PVT1: variants seen among roughly 807,000 people sequenced by gnomAD.
The protein encoded by PVT1 is Pvt1 oncogene.
chr8:127,894,159 C>T (rs907738431), intron 3 of PVT1, among the ~76,000 whole-genome samples: 2 of 152,184 alleles, frequency 1.3e-5, no homozygotes, highest in African/African-American at 4.8e-5. Flanking sequence ...GTACGGGCTG[C>T]CCTGCCACCT....
intron 4 of PVT1, among the ~76,000 whole-genome samples, chr8:128,063,137 G>T (rs980925413): frequency 6.6e-6 from 1 of 152,026 alleles, no homozygotes; most frequent in African/African-American, 2.4e-5. Context: ...GTCTTTCCTG[G>T]CACCATGAAA....
chr8:128,046,997 AG>A (rs1813622756), intron 4 of PVT1, among the ~76,000 whole-genome samples: 1 of 152,306 alleles, frequency 6.6e-6, no homozygotes, highest in South Asian at 2.1e-4. Flanking sequence ...TCTCATGAAC[AG>A]GATGTCCTCT....
chr8:127,994,773 C>T (rs1180981352), intron 4 of PVT1, among the ~76,000 whole-genome samples: 1 of 151,134 alleles, frequency 6.6e-6, no homozygotes, highest in African/African-American at 2.4e-5. Context: ...AGTCCAGATT[C>T]GAAGGCCTGA....
chr8:128,095,739 G>A (rs746189511), intron 5 of PVT1, among the ~76,000 whole-genome samples: 2 of 152,240 alleles, frequency 1.3e-5, no homozygotes, highest in Non-Finnish European at 2.9e-5. Flanking sequence ...CCCTGTCTGA[G>A]GATGATCACG....
chr8:127,849,487 T>C (rs1563621137), intron 2 of PVT1, among the ~76,000 whole-genome samples: 1 of 152,162 alleles, frequency 6.6e-6, no homozygotes, highest in Non-Finnish European at 1.5e-5. Flanking sequence ...TATGAAAAAC[T>C]CCTAGGGCCT....
rs918925169 is a variant in PVT1, at chr8:127,875,347, GTCTGTC to G, written n.373-15226_373-15221del. ...TGTCTCTGTCTCTGTCTCTGACTCT[GTCTGTC>G]TCTGTCTCTGTCTCTCTCTCTCTCT... is the stretch of plus-strand genomic sequence containing the variant. On this transcript the variant is annotated intron_variant and non_coding_transcript_variant, in intron 2 of 10. Coordinates refer to ENST00000651587, the Ensembl canonical transcript of PVT1. Among the ~76,000 whole-genome samples, 22 of 129,956 alleles carry G rather than the reference GTCTGTC, an allele frequency of 1.7e-4. No individual in the cohort carries two copies. The South Asian group carries it at 2.2e-3, about 13-fold the overall frequency. The allele number at this position is 129,956 out of a possible 152,430, so 85.3% of individuals were successfully genotyped here.
chr8:127,848,410 G>A lies in PVT1; in HGVS notation n.373-42179G>A, dbSNP rs113644072. On this transcript the variant is annotated intron_variant and non_coding_transcript_variant, in intron 2 of 10. Coordinates refer to ENST00000651587, the Ensembl canonical transcript of PVT1. Reference sequence around the variant, plus strand: ...TCCAAAACCACAAATTTGGCTGGGCGCAGTGGCTCACGCCTGTAATCCCAG... The same window carrying A: ...TCCAAAACCACAAATTTGGCTGGGCACAGTGGCTCACGCCTGTAATCCCAG... Among the ~76,000 whole-genome samples the A allele has an allele frequency of 3.0e-4, 45 of 152,150 alleles. No homozygotes were observed. The South Asian group carries it at 8.9e-3, about 30-fold the overall frequency.
chr8:127,896,149 G>A (rs1418199616), intron 3 of PVT1, among the ~76,000 whole-genome samples: 2 of 152,176 alleles, frequency 1.3e-5, no homozygotes, highest in African/African-American at 2.4e-5. Context: ...GCCTTCACAT[G>A]GCTAGTTTCC....
chr8:127,886,755 G>T (rs1411515811), intron 2 of PVT1, among the ~76,000 whole-genome samples: 1 of 152,016 alleles, frequency 6.6e-6, no homozygotes, highest in Non-Finnish European at 1.5e-5. Context: ...ACCCTTGTCT[G>T]CTAATTCCAG....
chr8:128,023,954 A>C (rs138740777), intron 4 of PVT1, among the ~76,000 whole-genome samples: 3 of 152,310 alleles, frequency 2.0e-5, no homozygotes, highest in African/African-American at 7.2e-5. Context: ...CTTCTTATCT[A>C]TTCTGCGTGG....
intron 3 of PVT1, among the ~76,000 whole-genome samples, chr8:127,904,339 G>T (rs1229057605): frequency 3.7e-5 from 1 of 26,806 alleles, no homozygotes; most frequent in Non-Finnish European, 7.4e-5. Flanking sequence ...GTTCTGGTGG[G>T]TTATCCAGTT....
At chr8:128,078,569 G>C (rs569059956) in intron 5 of PVT1, among the ~76,000 whole-genome samples, 88 of 152,220 alleles carry the variant, frequency 5.8e-4, no homozygotes, top group African/African-American at 2.0e-3. Flanking sequence ...TGGAGGTGGT[G>C]TTATTGTTAT....
intron 4 of PVT1, among the ~76,000 whole-genome samples, chr8:128,064,953 G>A (rs1443227053): frequency 1.3e-5 from 2 of 152,148 alleles, no homozygotes; most frequent in East Asian, 3.9e-4. Flanking sequence ...TGAGAAATAT[G>A]CCCTTAGATG....
chr8:127,943,666 G>A (rs2129912065), intron 3 of PVT1, among the ~76,000 whole-genome samples: 1 of 152,196 alleles, frequency 6.6e-6, no homozygotes, highest in Middle Eastern at 3.4e-3. Flanking sequence ...GTTCTTTTGT[G>A]GTGGTGTTGG....
chr8:128,078,242 G>A (rs1586510119), intron 5 of PVT1, among the ~76,000 whole-genome samples: 1 of 152,206 alleles, frequency 6.6e-6, no homozygotes, highest in African/African-American at 2.4e-5. Context: ...CTAGCCTCTT[G>A]TAAGAAATTA....
In PVT1 at chr8:128,021,492, A is replaced by C. The variant is rs144879684; in HGVS notation, n.912+32201A>C. Among the ~76,000 whole-genome samples, 1,493 of 151,806 alleles carry C rather than the reference A, an allele frequency of 9.8e-3. 31 individuals carry two copies. Among genetic ancestry groups the C allele is most frequent in the African/African-American group, 0.034 (1,418 of 41,388 alleles). ...GTATTTTTAGTAGAGACAGGGTTTC[A>C]CCATGTTAGCCAGGATGGTCTTGAT... On this transcript the variant is annotated intron_variant and non_coding_transcript_variant, in intron 4 of 10. Transcript: ENST00000651587.
chr8:128,023,462 G>T (rs137956473), intron 4 of PVT1, among the ~76,000 whole-genome samples: 2,884 of 152,252 alleles, frequency 0.019, 54 homozygotes, highest in Middle Eastern at 0.085. Flanking sequence ...CATTGTTTTG[G>T]TAATAGGTAC....
At chr8:127,913,005 C>T (rs1641370596) in intron 3 of PVT1, among the ~76,000 whole-genome samples, 1 of 148,812 alleles carries the variant, frequency 6.7e-6, no homozygotes, top group East Asian at 2.1e-4. Context: ...ACCCCCTTCA[C>T]ACCCCACCTT....
intron 2 of PVT1, among the ~76,000 whole-genome samples, chr8:127,833,610 T>C (rs1423410226): frequency 1.3e-5 from 2 of 152,154 alleles, no homozygotes; most frequent in East Asian, 1.9e-4. Context: ...CATGCTATGA[T>C]GCCCAGCTAA....
Sources: gnomAD v4.1 joint callset for allele counts (sites outside exome capture counted in the v4.1 genomes callset) on GRCh38, gnomAD v4.1.1 for gene constraint, MANE v1.5 for transcripts, NCBI Gene and HGNC (gene_info 2026-07-23, HGNC 2026-07-21) for gene names.